PAK6: variants seen among roughly 807,000 people sequenced by gnomAD.
The protein encoded by PAK6 is p21 (RAC1) activated kinase 6.
A neutral mutation model predicts 60.8 loss-of-function variants in PAK6; 33 were observed. The observed-to-expected ratio is 0.54, with a 90% CI of 0.41 to 0.73. The LOEUF (loss-of-function observed/expected upper bound fraction) is 0.73, where lower values mean the gene tolerates loss of function less well. Among genes scored for constraint, PAK6 ranks in the 30% least tolerant of loss-of-function variants. The pLI is 0.00. For synonymous variants in PAK6, 404 were observed against 378.5 expected (o/e 1.07, Z -0.78); for missense variants, 845 against 904.1 (o/e 0.93, Z 0.84).
Position 40,242,084 on chromosome 15 carries a change from G to A in PAK6, c.-118+1403G>A, listed in dbSNP as rs570995377. Among the ~76,000 whole-genome samples the A allele has an allele frequency of 9.2e-5, 14 of 152,296 alleles. 1 individual carries two copies. The highest frequency in any genetic ancestry group is 3.4e-3 in the Middle Eastern group (1 of 294). On this transcript the variant is annotated intron_variant, in intron 2 of 10. Transcript: ENST00000560346. The stretch of plus-strand genomic sequence containing the variant: ...ACTAGGTAGACAGCAGGCCAGCAGC[G>A]GGCAGCAGGTTGGGCCAGGAGGGAG...
chr15:40,250,663 A>G (rs1270350779), intron 2 of PAK6: 1 of 152,222 alleles, frequency 6.6e-6, no homozygotes, highest in African/African-American at 2.4e-5. Flanking sequence ...ATACCAGTTC[A>G]TTTCTGGTAA....
Position 40,258,327 on chromosome 15 carries a change from C to T in PAK6, c.-6+5038C>T, listed in dbSNP as rs531588618. On this transcript the variant is annotated intron_variant, in intron 3 of 10. Transcript: ENST00000560346. Reference sequence around the variant, plus strand: ...GAGAAGAACCACAGCTGACTCAGTCCGGGGTAAGCATGGTGGACGGAGCAG... The same window carrying T: ...GAGAAGAACCACAGCTGACTCAGTCTGGGGTAAGCATGGTGGACGGAGCAG... Among the ~76,000 whole-genome samples, 8 of 152,268 alleles carry T rather than the reference C, an allele frequency of 5.3e-5. No homozygotes were observed. In the East Asian group the frequency reaches 7.7e-4, roughly 15 times the overall value.
intron 5 of PAK6, 131 bp downstream of exon 5, chr15:40,266,626 G>A: frequency 1.2e-6 from 1 of 849,884 alleles, no homozygotes; most frequent in Non-Finnish European, 1.7e-6. Flanking sequence ...CGGCAGAAAT[G>A]TGCACGGTAA....
chr15:40,252,834 T>C (rs1454643487), intron 2 of PAK6: 1 of 1,285,356 alleles, frequency 7.8e-7, no homozygotes, highest in Non-Finnish European at 1.0e-6. Flanking sequence ...CATCTGGAGC[T>C]CCGCGTCCCT....
At chr15:40,265,726 T>C (rs2039107543) in intron 4 of PAK6, 116 bp from the exon 5 acceptor site, 4 of 865,574 alleles carry the variant, frequency 4.6e-6, no homozygotes, top group Non-Finnish European at 6.9e-6. Context: ...GCAGGGAAGG[T>C]CCTTAGGTGG....
At chr15:40,253,885 T>A (rs12910766) in intron 3 of PAK6, among the ~76,000 whole-genome samples, 62,371 of 141,274 alleles carry the variant, frequency 0.44, 13,596 homozygotes, top group South Asian at 0.59. Context: ...CCCATTCTGG[T>A]GGTTTTTTGG....
chr15:40,275,914 C>A lies in PAK6; in HGVS notation c.1879-13C>A, dbSNP rs377748142. On this transcript the variant is annotated splice_polypyrimidine_tract_variant and intron_variant, in intron 10 of 10. Coordinates refer to ENST00000560346, the Ensembl canonical transcript of PAK6. Reference sequence around the variant, plus strand: ...GCAAATTGTGGCTTCATCTTACTGCCCTGCCTCTACAGGTCTCCCCAGTGC... The same window carrying A: ...GCAAATTGTGGCTTCATCTTACTGCACTGCCTCTACAGGTCTCCCCAGTGC... 5 of 1,603,216 alleles carry A rather than the reference C, an allele frequency of 3.1e-6. No individual in the cohort carries two copies. The African/African-American group carries it at 6.7e-5, about 21-fold the overall frequency.
intron 3 of PAK6, among the ~76,000 whole-genome samples, chr15:40,253,616 C>T (rs1330538607): frequency 6.6e-6 from 1 of 152,176 alleles, no homozygotes; most frequent in Admixed American, 6.5e-5. Flanking sequence ...GGAATTCATG[C>T]CGGGGAAGAG....
chr15:40,261,077 A>G (rs1278635999), intron 3 of PAK6, among the ~76,000 whole-genome samples: 1 of 151,596 alleles, frequency 6.6e-6, no homozygotes, highest in Admixed American at 6.6e-5. Context: ...TTTAGTAGAG[A>G]CGGGGTTTCA....
intron 2 of PAK6, among the ~76,000 whole-genome samples, chr15:40,243,062 C>T (rs75983709): frequency 0.01 from 1,583 of 152,318 alleles, 28 homozygotes; most frequent in African/African-American, 0.037. Context: ...CAGGTGGCTT[C>T]GTCCTTTTGC....
intron 3 of PAK6, chr15:40,263,918 A>C (rs1050728485): frequency 2.2e-6 from 1 of 455,912 alleles, no homozygotes; most frequent in Non-Finnish European, 4.4e-6. Context: ...TGCCCGGCCC[A>C]GGTGATGTTT....
chr15:40,261,110 T>G (rs199556657), intron 3 of PAK6, among the ~76,000 whole-genome samples: 50 of 151,874 alleles, frequency 3.3e-4, no homozygotes, highest in East Asian at 1.4e-3. Flanking sequence ...GGATGATCTC[T>G]ATCTCCTGAC....
chr15:40,273,393 C>T (rs1165371983), exon 8 of PAK6: 2 of 1,613,910 alleles, frequency 1.2e-6, no homozygotes, highest in East Asian at 4.5e-5. Context: ...GTGCTGCAGG[C>T]CCTGGCCTAC....
intron 2 of PAK6, among the ~76,000 whole-genome samples, chr15:40,248,284 A>G (rs2038552393): frequency 6.6e-6 from 1 of 152,194 alleles, no homozygotes; most frequent in African/African-American, 2.4e-5. Context: ...ATCAGCAGAG[A>G]GAGATGGGTG....
intron 10 of PAK6, among the ~76,000 whole-genome samples, 169 bp from the exon 11 acceptor site, chr15:40,275,758 G>A (rs962784200): frequency 1.3e-5 from 2 of 152,180 alleles, no homozygotes; most frequent in African/African-American, 4.8e-5. Flanking sequence ...CTTCCACAGA[G>A]CTATAGCATC....
chr15:40,260,301 GTTTA>G (rs1206538623), intron 3 of PAK6: 2 of 152,060 alleles, frequency 1.3e-5, no homozygotes, highest in Admixed American at 6.6e-5. Context: ...ATTCTTCCGG[GTTTA>G]TTTTTTTTCC....
At chr15:40,248,729 A>ACC (rs574452986) in intron 2 of PAK6, among the ~76,000 whole-genome samples, 10 of 146,674 alleles carry the variant, frequency 6.8e-5, no homozygotes, top group African/African-American at 2.3e-4. Flanking sequence ...CGGTCCTCCT[A>ACC]CCCGCACCCC....
At position 40,275,283 on chromosome 15, in the gene PAK6, T is replaced by TTC. The variant is rs1476461136; in HGVS notation, c.1879-643_1879-642insCT. On this transcript the variant is annotated intron_variant, in intron 10 of 10. Transcript: ENST00000560346. The stretch of plus-strand genomic sequence containing the variant: ...TTGTTTGTTTCTGTTGTTGTTGGTT[T>TTC]TTTTTTTTTTTTTTTTTTTGGAGAT... Among the ~76,000 whole-genome samples, 10 of 96,418 alleles carry TTC rather than the reference T, an allele frequency of 1.0e-4. 1 individual carries two copies. The highest frequency in any genetic ancestry group is 3.7e-4 in the South Asian group (1 of 2,734). 63.3% of individuals were successfully genotyped at this position (96,418 alleles called of 152,430 possible). A position where few individuals can be genotyped will look rare whatever the true frequency, so the allele number is the denominator to read the frequency against.
intron 3 of PAK6, among the ~76,000 whole-genome samples, chr15:40,257,874 T>A (rs2038880689): frequency 6.6e-6 from 1 of 151,984 alleles, no homozygotes; most frequent in Non-Finnish European, 1.5e-5. Flanking sequence ...GCTCTGGGAA[T>A]CCCCTTGTCT....
Sources: allele counts gnomAD v4.1 joint callset (sites outside exome capture counted in the v4.1 genomes callset), GRCh38; gene constraint gnomAD v4.1.1; transcripts MANE v1.5; gene names NCBI Gene and HGNC (gene_info 2026-07-23, HGNC 2026-07-21).